GASK1B: variants seen among roughly 807,000 people sequenced by gnomAD.
The protein encoded by GASK1B is Golgi-associated kinase 1B.
In GASK1B, 34 loss-of-function variants were observed where a neutral mutation model predicts 42.8. The ratio of observed to expected loss-of-function variants is 0.79; its 90% CI spans 0.60 to 1.06. The LOEUF is 1.06. GASK1B is among the 50% of genes least tolerant of loss of function. The probability of loss-of-function intolerance (pLI) is 0.00; values close to 1 mark genes in which losing one functional copy is unlikely to be tolerated. For synonymous variants in GASK1B, 262 were observed against 259.1 expected, an observed-to-expected ratio of 1.01 and a Z score of -0.11; for missense variants, 686 against 661.0, an observed-to-expected ratio of 1.04 and a Z score of -0.42.
chr4:158,139,335 C>T (rs186968068), intron 3 of GASK1B, among the ~76,000 whole-genome samples: 13 of 152,264 alleles, frequency 8.5e-5, no homozygotes, highest in African/African-American at 2.9e-4. Context: ...AATCAAAGAA[C>T]GCATACCAGC....
At chr4:158,147,987 G>A (rs1049763372) in intron 3 of GASK1B, among the ~76,000 whole-genome samples, 8 of 152,158 alleles carry the variant, frequency 5.3e-5, no homozygotes, top group African/African-American at 1.9e-4. Flanking sequence ...TGAGGTGGGT[G>A]GATCGCTTGA....
intron 3 of GASK1B, among the ~76,000 whole-genome samples, chr4:158,148,431 T>C (rs1270143584): frequency 6.6e-6 from 1 of 152,216 alleles, no homozygotes; most frequent in African/African-American, 2.4e-5. Flanking sequence ...ATTAGCCTCT[T>C]ACATTTTGCA....
At chr4:158,140,825 C>T (rs1731086765) in intron 3 of GASK1B, among the ~76,000 whole-genome samples, 2 of 152,176 alleles carry the variant, frequency 1.3e-5, no homozygotes, top group South Asian at 4.1e-4. Context: ...AGACTTACAA[C>T]TGAAGCATAC....
In GASK1B at chr4:158,170,773, C is replaced by T. The variant is rs1301014707; in HGVS notation, c.603G>A (p.Arg201=). 6.2e-7 allele frequency: 1 copy of T among 1,614,232 alleles called. No individual in the cohort carries two copies. ...GGPDFLQPSS[R]ESNIRIYSES... ...CGCTGTAGATCCTAATGTTGCTCTC[C>T]CTGGAGCTGGGCTGCAGGAAGTCTG... The change falls in exon 2 of 5, where the codon AGG becomes AGA. Residue 201 remains arginine (R), a synonymous_variant. Coordinates refer to ENST00000585682, the MANE Select transcript of GASK1B (RefSeq NM_001128424.2).
At chr4:158,133,916 T>TGTGTGTGC (rs1435604508) in intron 3 of GASK1B, among the ~76,000 whole-genome samples, 10 of 149,768 alleles carry the variant, frequency 6.7e-5, no homozygotes, top group African/African-American at 2.2e-4. Context: ...TGTGTGTGTG[T>TGTGTGTGC]GCGCGTGCAC....
chr4:158,149,275 GT>G (rs1731451089), intron 3 of GASK1B, among the ~76,000 whole-genome samples: 1 of 152,168 alleles, frequency 6.6e-6, no homozygotes, highest in Non-Finnish European at 1.5e-5. Context: ...TAATGAAATA[GT>G]TTTTAAAAAA....
At chr4:158,141,702 G>A (rs1411955769) in intron 3 of GASK1B, among the ~76,000 whole-genome samples, 2 of 141,298 alleles carry the variant, frequency 1.4e-5, no homozygotes, top group Admixed American at 1.5e-4. Context: ...CGCCTCCCGG[G>A]TTCACGCCAT....
intron 2 of GASK1B, among the ~76,000 whole-genome samples, chr4:158,158,020 T>C (rs981018146): frequency 2.2e-4 from 33 of 152,280 alleles, no homozygotes; most frequent in African/African-American, 7.9e-4. Flanking sequence ...ATAGGTAAAC[T>C]GCTTCTAGAA....
rs989808301 is a variant in GASK1B at position 158,125,933 on chromosome 4, G to A, written c.*1474C>T. The A allele has an allele frequency of 2.6e-5, 4 of 151,568 alleles. No homozygotes were observed. Among genetic ancestry groups the A allele is most frequent in the Admixed American group, 2.6e-4 (4 of 15,198 alleles). 9.4% of individuals were successfully genotyped at this position (151,568 alleles called of 1,614,324 possible). A position where few individuals can be genotyped will look rare whatever the true frequency, so the allele number is the denominator to read the frequency against. On this transcript the variant is annotated 3_prime_UTR_variant, in exon 5 of 5. Coordinates refer to ENST00000585682, the MANE Select transcript of GASK1B (RefSeq NM_001128424.2). ...CAAATCTAGCCTCTATTGTAACGTT[G>A]TTAGTAGTTCTCTTTCACACAGATA...
intron 3 of GASK1B, among the ~76,000 whole-genome samples, chr4:158,147,440 T>C (rs1188635776): frequency 2.0e-5 from 3 of 151,866 alleles, no homozygotes; most frequent in Non-Finnish European, 2.9e-5. Flanking sequence ...TCCGTCTCTA[T>C]TGAAAATCAA....
chr4:158,158,242 G>A (rs1731831409), intron 2 of GASK1B, among the ~76,000 whole-genome samples: 2 of 152,036 alleles, frequency 1.3e-5, no homozygotes, highest in South Asian at 4.1e-4. Flanking sequence ...TCACAGCATG[G>A]TGCCTAACAT....
intron 3 of GASK1B, among the ~76,000 whole-genome samples, chr4:158,134,703 A>C (rs1286553373): frequency 6.6e-6 from 1 of 152,124 alleles, no homozygotes; most frequent in Non-Finnish European, 1.5e-5. Context: ...ATATTTTTAG[A>C]TATATTTCCT....
intron 2 of GASK1B, among the ~76,000 whole-genome samples, chr4:158,156,829 G>A (rs1273108858): frequency 6.6e-6 from 1 of 152,184 alleles, no homozygotes; most frequent in Non-Finnish European, 1.5e-5. Flanking sequence ...TTCTTAACAC[G>A]TCTGAACAAC....
Position 158,170,911 on chromosome 4 carries a change from C to G in GASK1B, c.465G>C (p.Ala155=), listed in dbSNP as rs763384970. ...LVGPSLQPQE[A]AREADAVAPG... Reference sequence around the variant, plus strand: ...GTGCTACAGCATCAGCTTCCCTTGCCGCTTCCTGCGGCTGAAGGGATGGTC... The same window carrying G: ...GTGCTACAGCATCAGCTTCCCTTGCGGCTTCCTGCGGCTGAAGGGATGGTC... The change falls in exon 2 of 5, where the codon GCG becomes GCC. Residue 155 remains alanine, a synonymous_variant. Transcript: ENST00000585682. 3 of 1,614,238 alleles carry G rather than the reference C, an allele frequency of 1.9e-6. No homozygotes were observed. Among genetic ancestry groups the G allele is most frequent in the African/African-American group, 2.7e-5 (2 of 75,068 alleles).
chr4:158,138,580 T>A (rs1306611577), intron 3 of GASK1B, among the ~76,000 whole-genome samples: 2 of 152,094 alleles, frequency 1.3e-5, no homozygotes, highest in African/African-American at 4.8e-5. Flanking sequence ...ACTGAAAACC[T>A]TCTTTTGCTT....
intron 3 of GASK1B, among the ~76,000 whole-genome samples, chr4:158,151,549 T>C (rs540843383): frequency 6.6e-6 from 1 of 152,304 alleles, no homozygotes; most frequent in Admixed American, 6.5e-5. Flanking sequence ...TATTGCAGGA[T>C]AATGTGAACC....
intron 2 of GASK1B, among the ~76,000 whole-genome samples, chr4:158,161,157 T>A (rs553982449): frequency 2.6e-5 from 4 of 152,066 alleles, no homozygotes; most frequent in African/African-American, 9.7e-5. Flanking sequence ...AAAAATAAAT[T>A]AGTTAAAATT....
At chr4:158,141,360 T>C (rs1473089869) in intron 3 of GASK1B, among the ~76,000 whole-genome samples, 1 of 151,604 alleles carries the variant, frequency 6.6e-6, no homozygotes, top group Admixed American at 6.6e-5. Flanking sequence ...CCAGAATGTA[T>C]CAGAAAACAT....
chr4:158,149,902 T>C (rs1447251692), intron 3 of GASK1B, among the ~76,000 whole-genome samples: 10 of 149,014 alleles, frequency 6.7e-5, no homozygotes, highest in African/African-American at 2.2e-4. Context: ...GGCAACATCT[T>C]AGATTTTGTT....
Sources: gnomAD v4.1 joint callset for allele counts (sites outside exome capture counted in the v4.1 genomes callset) on GRCh38, gnomAD v4.1.1 for gene constraint, MANE v1.5 for transcripts, NCBI Gene and HGNC (gene_info 2026-07-23, HGNC 2026-07-21) for gene names.